Variants in WDR1 observed in about 807,000 individuals in gnomAD.
The protein encoded by WDR1 is WD repeat domain 1, also known as WD repeat-containing protein 1.
Under a neutral mutation model 71.9 loss-of-function variants are expected in WDR1, and 21 were observed. The ratio of observed to expected loss-of-function variants is 0.29; its 90% CI spans 0.21 to 0.42. WDR1 has a LOEUF of 0.42. Ranked by LOEUF, WDR1 falls within the 10% of genes least tolerant of loss-of-function variation. WDR1 has a pLI of 1.00. For synonymous variants in WDR1, 424 were observed against 347.4 expected (o/e 1.22, Z -2.45); for missense variants, 696 against 824.5 (o/e 0.84, Z 1.91).
At chr4:10,115,177 T>C (rs10939710) in intron 2 of WDR1, among the ~76,000 whole-genome samples, 46,098 of 152,060 alleles carry the variant, frequency 0.3, 7,381 homozygotes, top group East Asian at 0.59. Flanking sequence ...AATCACCCAA[T>C]GGCCGGGCCG....
At chr4:10,083,308 CT>C (rs1765087251) in intron 9 of WDR1, 130 bp from the exon 10 acceptor site, 12 of 1,204,618 alleles carry the variant, frequency 1.0e-5, no homozygotes, top group South Asian at 7.5e-5. Flanking sequence ...ACCATTCCCC[CT>C]GGGAAGCCTG....
chr4:10,116,382 C>T, intron 1 of WDR1, 148 bp from the exon 2 acceptor site: 11 of 1,220,588 alleles, frequency 9.0e-6, no homozygotes, highest in East Asian at 2.5e-5. Context: ...CGCCAGGAAC[C>T]GCGCGACTTC....
intron 2 of WDR1, among the ~76,000 whole-genome samples, chr4:10,115,034 G>A (rs1713624308): frequency 6.6e-6 from 1 of 152,238 alleles, no homozygotes; most frequent in Admixed American, 6.5e-5. Context: ...GAGGGCAAGT[G>A]TGTCCGATCA....
intron 2 of WDR1, among the ~76,000 whole-genome samples, chr4:10,113,581 C>T (rs1713523513): frequency 6.7e-6 from 1 of 148,454 alleles, no homozygotes; most frequent in South Asian, 2.1e-4. Context: ...TCAGCCACTC[C>T]AGCGAGTGTT....
chr4:10,103,649 C>A (rs561433143), intron 3 of WDR1, among the ~76,000 whole-genome samples: 1 of 152,192 alleles, frequency 6.6e-6, no homozygotes, highest in African/African-American at 2.4e-5. Flanking sequence ...GGGCTGCATT[C>A]GAAGCCATCC....
chr4:10,104,072 A>G, intron 2 of WDR1, 86 bp from the exon 3 acceptor site: 1 of 1,356,362 alleles, frequency 7.4e-7, no homozygotes, highest in Non-Finnish European at 1.0e-6. Context: ...ATGGGGTGAA[A>G]GGGGTGTACA....
chr4:10,088,558 T>C (rs887262418), intron 6 of WDR1, 106 bp downstream of exon 6: 5 of 1,184,760 alleles, frequency 4.2e-6, no homozygotes, highest in Non-Finnish European at 6.2e-6. Flanking sequence ...GGGCGATGTC[T>C]AAGTTCTGCA....
At chr4:10,076,098 G>A (rs1421313808) in intron 14 of WDR1, 2 of 153,052 alleles carry the variant, frequency 1.3e-5, no homozygotes, top group African/African-American at 4.8e-5. Flanking sequence ...CCAGCTGCAG[G>A]CAAGGGGGTT....
chr4:10,074,845 G>C lies in WDR1; in HGVS notation c.*533C>G, dbSNP rs1048625242. ...GGGGTTGTGTGTCCCCATCTGATCTGGAGGTGGCGCTCTGAAGGCAGCCAC... is the reference window on the plus strand; with the variant it reads ...GGGGTTGTGTGTCCCCATCTGATCTCGAGGTGGCGCTCTGAAGGCAGCCAC... On this transcript the variant is annotated 3_prime_UTR_variant, in exon 15 of 15. Transcript: ENST00000499869. 6.5e-6 allele frequency: 1 copy of C among 155,032 alleles called. No individual in the cohort carries two copies. Among genetic ancestry groups the C allele is most frequent in the Non-Finnish European group, 1.4e-5 (1 of 70,066 alleles). The allele number at this position is 155,032 out of a possible 1,614,324, so 9.6% of individuals were successfully genotyped here.
chr4:10,077,195 A>C, intron 14 of WDR1, 109 bp downstream of exon 14: 1 of 1,417,970 alleles, frequency 7.1e-7, no homozygotes. Flanking sequence ...GTCTAGAAGC[A>C]CAGAGGCTAC....
intron 5 of WDR1, 86 bp from the exon 6 acceptor site, chr4:10,088,827 G>T: frequency 9.6e-7 from 1 of 1,036,498 alleles, no homozygotes; most frequent in Non-Finnish European, 1.5e-6. Flanking sequence ...ACAGCTTGCA[G>T]CTCCAGCTGT....
chr4:10,092,797 G>C (rs894037689), intron 5 of WDR1: 2 of 333,682 alleles, frequency 6.0e-6, no homozygotes, highest in South Asian at 4.5e-5. Flanking sequence ...GAACCTCCCG[G>C]GGAGTTCAGG....
chr4:10,099,009 G>T lies in WDR1; in HGVS notation c.360C>A (p.Val120=). The T allele has an allele frequency of 1.2e-6, 2 of 1,613,972 alleles. No homozygotes were observed. The highest frequency in any genetic ancestry group is 1.7e-6 in the Non-Finnish European group (2 of 1,179,888). The change falls in exon 4 of 15, where the codon GTC becomes GTA. Residue 120 remains valine, a synonymous_variant. Coordinates refer to ENST00000499869, the MANE Select transcript of WDR1 (RefSeq NM_017491.5). ...WTEDSKRIAV[V]GEGREKFGAV... is the part of the protein sequence containing the mutation. The stretch of plus-strand genomic sequence containing the variant: ...TGACTCACTTCTCCCTTCCTTCCCC[G>T]ACCACGGCGATCCTCTTACTGTCTT...
Position 10,084,506 on chromosome 4 carries a change from G to A in WDR1, c.976C>T (p.Leu326=). 6.2e-7 allele frequency: 1 copy of A among 1,613,932 alleles called. No homozygotes were observed. Among genetic ancestry groups the A allele is most frequent in the Non-Finnish European group, 8.5e-7 (1 of 1,179,830 alleles). ...TTGCCGCCGTTTTTATGCACCGTCA[G>A]ACACTGGATCGATTTACTGTGACCC... ...IKGHSKSIQC[L]TVHKNGGKSY... The change falls in exon 9 of 15, where the codon CTG becomes TTG. Residue 326 remains leucine, a synonymous_variant. Transcript: ENST00000499869.
intron 1 of WDR1, 48 bp from the exon 2 acceptor site, chr4:10,116,282 G>C (rs779856134): frequency 1.9e-6 from 3 of 1,610,750 alleles, no homozygotes; most frequent in Non-Finnish European, 2.5e-6. Flanking sequence ...GGGCGGGGAC[G>C]GCGGGGACAG....
At chr4:10,103,837 G>A in intron 3 of WDR1, 59 bp downstream of exon 3, 2 of 1,407,210 alleles carry the variant, frequency 1.4e-6, no homozygotes, top group Admixed American at 2.1e-5. Flanking sequence ...CTTCGCCCTG[G>A]GCCCTGAGCG....
At chr4:10,096,838 C>T (rs970874433) in intron 5 of WDR1, among the ~76,000 whole-genome samples, 10 of 152,214 alleles carry the variant, frequency 6.6e-5, no homozygotes, top group Non-Finnish European at 1.5e-5. Flanking sequence ...AACACAACCT[C>T]CTCCAAGGAC....
intron 2 of WDR1, among the ~76,000 whole-genome samples, chr4:10,112,580 G>C (rs1312077879): frequency 3.3e-5 from 5 of 152,168 alleles, no homozygotes; most frequent in African/African-American, 4.8e-5. Context: ...TCACAAAACA[G>C]CTTTTAAGTC....
intron 14 of WDR1, chr4:10,075,751 G>T: frequency 1.8e-6 from 1 of 545,022 alleles, no homozygotes; most frequent in South Asian, 2.2e-5. Context: ...GATGCCAGTG[G>T]CTCCCTCTCT....
Sources: gnomAD v4.1 joint callset for allele counts (sites outside exome capture counted in the v4.1 genomes callset) on GRCh38, gnomAD v4.1.1 for gene constraint, MANE v1.5 for transcripts, NCBI Gene and HGNC (gene_info 2026-07-23, HGNC 2026-07-21) for gene names.